Variants in WWOX observed in about 807,000 individuals in gnomAD.
WWOX encodes WW domain-containing oxidoreductase.
WWOX carries 69 observed loss-of-function variants against 46.2 expected under a neutral mutation model. That is an observed-to-expected ratio of 1.49 (90% CI 1.23 to 1.82). The LOEUF (loss-of-function observed/expected upper bound fraction) is 1.82, where lower values mean the gene tolerates loss of function less well. Among genes scored for constraint, WWOX ranks in the 40% most tolerant of loss-of-function variants. WWOX has a pLI of 0.00. For missense variants in WWOX, 919 were observed against 542.6 expected, an observed-to-expected ratio of 1.69 and a Z score of -6.89; for synonymous variants, 359 against 202.6, an observed-to-expected ratio of 1.77 and a Z score of -6.56.
intron 5 of WWOX, among the ~76,000 whole-genome samples, chr16:78,248,342 C>T (rs971709755): frequency 1.3e-5 from 2 of 152,120 alleles, no homozygotes; most frequent in African/African-American, 2.4e-5. Flanking sequence ...TCAGGAGAGC[C>T]AACTCACCAC....
At chr16:78,400,074 G>C (rs72628241) in intron 6 of WWOX, among the ~76,000 whole-genome samples, 2 of 152,038 alleles carry the variant, frequency 1.3e-5, no homozygotes, top group Non-Finnish European at 2.9e-5. Context: ...TGCATACCTT[G>C]TCATTCAGAA....
At chr16:78,637,003 T>A (rs1330573602) in intron 8 of WWOX, among the ~76,000 whole-genome samples, 2 of 152,180 alleles carry the variant, frequency 1.3e-5, no homozygotes, top group African/African-American at 4.8e-5. Context: ...AAGTGCGCAT[T>A]TGAGACAGGT....
chr16:78,945,594 T>C (rs1031265838), intron 8 of WWOX, among the ~76,000 whole-genome samples: 1 of 152,202 alleles, frequency 6.6e-6, no homozygotes, highest in African/African-American at 2.4e-5. Context: ...CTCTTTTGGT[T>C]TGTTGGCTTA....
chr16:78,572,400 A>T (rs1030625239), intron 8 of WWOX, among the ~76,000 whole-genome samples: 1 of 152,002 alleles, frequency 6.6e-6, no homozygotes, highest in Admixed American at 6.6e-5. Flanking sequence ...TTTGATTCCA[A>T]CCCGGGCAAC....
intron 8 of WWOX, among the ~76,000 whole-genome samples, chr16:78,870,477 T>G (rs2044102528): frequency 6.6e-6 from 1 of 152,118 alleles, no homozygotes; most frequent in African/African-American, 2.4e-5. Flanking sequence ...GATTCAAGAT[T>G]CAGAGCTCAT....
At chr16:78,891,519 T>C (rs1402295762) in intron 8 of WWOX, 1 of 152,216 alleles carries the variant, frequency 6.6e-6, no homozygotes, top group African/African-American at 2.4e-5. Flanking sequence ...AATTATAAAT[T>C]ATTTAAAACA....
chr16:78,673,612 T>C (rs2047518614), intron 8 of WWOX, among the ~76,000 whole-genome samples: 1 of 152,176 alleles, frequency 6.6e-6, no homozygotes, highest in South Asian at 2.1e-4. Context: ...GGTTACGACT[T>C]GCTAAAAGAA....
At chr16:78,337,145 G>C (rs1366736298) in intron 5 of WWOX, among the ~76,000 whole-genome samples, 1 of 152,122 alleles carries the variant, frequency 6.6e-6, no homozygotes, top group Non-Finnish European at 1.5e-5. Flanking sequence ...GCAGTTCAAA[G>C]AAAACATGTT....
chr16:79,018,971 C>A (rs1006331920), intron 8 of WWOX, among the ~76,000 whole-genome samples: 6 of 151,454 alleles, frequency 4.0e-5, no homozygotes, highest in African/African-American at 1.5e-4. Flanking sequence ...GGCAACATGG[C>A]AAAACCCCAT....
At chr16:78,973,542 C>G (rs187246036) in intron 8 of WWOX, among the ~76,000 whole-genome samples, 1 of 152,086 alleles carries the variant, frequency 6.6e-6, no homozygotes, top group African/African-American at 2.4e-5. Flanking sequence ...TATTTATTTT[C>G]TTTTTGCTTT....
intron 5 of WWOX, among the ~76,000 whole-genome samples, chr16:78,360,328 G>T (rs1248075419): frequency 6.6e-6 from 1 of 152,160 alleles, no homozygotes; most frequent in South Asian, 2.1e-4. Context: ...GCTCATGCCT[G>T]TAATCCCAGC....
intron 8 of WWOX, among the ~76,000 whole-genome samples, chr16:78,995,892 T>C (rs1213287863): frequency 6.6e-6 from 1 of 152,184 alleles, no homozygotes; most frequent in East Asian, 1.9e-4. Flanking sequence ...TTAAATGGGA[T>C]CATTTCCAAA....
At chr16:78,828,860 C>T (rs535120100) in intron 8 of WWOX, among the ~76,000 whole-genome samples, 4 of 152,324 alleles carry the variant, frequency 2.6e-5, no homozygotes, top group African/African-American at 7.2e-5. Context: ...GCAGCATTTT[C>T]TGCATTGCAT....
At chr16:78,592,410 C>A (rs544327947) in intron 8 of WWOX, among the ~76,000 whole-genome samples, 3 of 152,194 alleles carry the variant, frequency 2.0e-5, no homozygotes, top group African/African-American at 7.2e-5. Context: ...TAAATTACAA[C>A]CATAAGAACA....
intron 8 of WWOX, among the ~76,000 whole-genome samples, chr16:78,706,652 T>C (rs2048333919): frequency 6.6e-6 from 1 of 152,216 alleles, no homozygotes; most frequent in African/African-American, 2.4e-5. Context: ...CATTGAAAAC[T>C]TATCCAGGAG....
intron 8 of WWOX, among the ~76,000 whole-genome samples, chr16:78,814,992 C>T (rs1325775167): frequency 6.6e-6 from 1 of 152,168 alleles, no homozygotes; most frequent in South Asian, 2.1e-4. Flanking sequence ...TTCAGGCTTG[C>T]TCCCTGCAGG....
At chr16:78,902,948 G>T (rs1415556155) in intron 8 of WWOX, among the ~76,000 whole-genome samples, 1 of 152,178 alleles carries the variant, frequency 6.6e-6, no homozygotes, top group Non-Finnish European at 1.5e-5. Context: ...CTGAGTCGAG[G>T]ATCCACATTC....
intron 8 of WWOX, among the ~76,000 whole-genome samples, chr16:79,102,266 T>C (rs1271782236): frequency 6.6e-6 from 1 of 152,170 alleles, no homozygotes; most frequent in Non-Finnish European, 1.5e-5. Context: ...GTTCAGGTAT[T>C]GGGTCAGCGT....
chr16:79,028,197 CCTT>C (rs2047683905), intron 8 of WWOX, among the ~76,000 whole-genome samples: 1 of 151,808 alleles, frequency 6.6e-6, no homozygotes, highest in Non-Finnish European at 1.5e-5. Flanking sequence ...GATCCACCTG[CCTT>C]GGCCTCCCAA....
Sources: allele counts gnomAD v4.1 joint callset (sites outside exome capture counted in the v4.1 genomes callset), GRCh38; gene constraint gnomAD v4.1.1; transcripts MANE v1.5; gene names NCBI Gene and HGNC (gene_info 2026-07-23, HGNC 2026-07-21).